The following TMC7 variants were observed in gnomAD, a reference collection of about 807,000 sequenced individuals.
TMC7 encodes transmembrane channel-like protein 7.
Under a neutral mutation model 82.9 loss-of-function variants are expected in TMC7, and 54 were observed. The ratio of observed to expected loss-of-function variants is 0.65; its 90% CI spans 0.52 to 0.82. The LOEUF (loss-of-function observed/expected upper bound fraction) is 0.82. Ranked by LOEUF, TMC7 falls within the 40% of genes least tolerant of loss-of-function variation. TMC7 has a pLI of 0.00. For synonymous variants in TMC7, 350 were observed against 337.9 expected (o/e 1.04, Z -0.39); for missense variants, 820 against 901.2 (o/e 0.91, Z 1.15).
chr16:19,047,503 TCTC>T (rs1464041752), intron 12 of TMC7, among the ~76,000 whole-genome samples: 1 of 145,180 alleles, frequency 6.9e-6, no homozygotes, highest in Non-Finnish European at 1.5e-5. Context: ...GTTCAAGTGA[TCTC>T]CTGCCCCAGC....
chr16:19,032,518 AAG>A (rs1326479720), intron 6 of TMC7, among the ~76,000 whole-genome samples: 1 of 150,876 alleles, frequency 6.6e-6, no homozygotes, highest in Non-Finnish European at 1.5e-5. Flanking sequence ...CTTTAAGACA[AAG>A]AGTATGAAAA....
chr16:19,002,519 G>A (rs949449866), intron 1 of TMC7, among the ~76,000 whole-genome samples: 4 of 151,940 alleles, frequency 2.6e-5, no homozygotes, highest in Non-Finnish European at 5.9e-5. Flanking sequence ...TTACAGGCGT[G>A]AGCCACAGTG....
intron 14 of TMC7, among the ~76,000 whole-genome samples, 166 bp from the exon 15 acceptor site, chr16:19,059,250 A>G (rs867701461): frequency 3.3e-5 from 5 of 152,104 alleles, no homozygotes; most frequent in Admixed American, 6.5e-5. Flanking sequence ...GCCTTAAGTG[A>G]TCCTTCTGCC....
chr16:19,019,615 G>A (rs1026938498), intron 3 of TMC7, among the ~76,000 whole-genome samples: 4 of 152,158 alleles, frequency 2.6e-5, no homozygotes, highest in African/African-American at 9.6e-5. Flanking sequence ...ACTCAGACAG[G>A]GTGAGGCAGA....
At chr16:19,034,353 C>T (rs1323229832) in intron 6 of TMC7, among the ~76,000 whole-genome samples, 1 of 152,040 alleles carries the variant, frequency 6.6e-6, no homozygotes, top group Middle Eastern at 3.2e-3. Context: ...AATCCCAGCG[C>T]TTTGAGAGGC....
At chr16:18,989,243 T>C (rs1297922331) in intron 1 of TMC7, among the ~76,000 whole-genome samples, 1 of 152,074 alleles carries the variant, frequency 6.6e-6, no homozygotes, top group African/African-American at 2.4e-5. Context: ...GGGAGGCAGG[T>C]CTGGACAGAG....
intron 15 of TMC7, among the ~76,000 whole-genome samples, chr16:19,060,762 TG>T (rs1266489310): frequency 6.6e-6 from 1 of 150,434 alleles, no homozygotes; most frequent in Admixed American, 6.7e-5. Context: ...GGGAAGCTGC[TG>T]AAGGGTTTGT....
At chr16:19,051,113 A>C (rs1961517263) in intron 12 of TMC7, among the ~76,000 whole-genome samples, 1 of 152,036 alleles carries the variant, frequency 6.6e-6, no homozygotes, top group South Asian at 2.1e-4. Context: ...CAATGACTGT[A>C]GCGTTAAACA....
chr16:19,006,096 C>T (rs560668122), intron 1 of TMC7, among the ~76,000 whole-genome samples: 149 of 152,312 alleles, frequency 9.8e-4, no homozygotes, highest in African/African-American at 3.5e-3. Context: ...CTGTGTGTGC[C>T]GAGCACTGCC....
intron 12 of TMC7, 52 bp downstream of exon 12, chr16:19,047,301 C>G: frequency 1.9e-6 from 3 of 1,545,484 alleles, no homozygotes. Flanking sequence ...TTTCGACCTT[C>G]CAGGGCACCA....
In TMC7 at chr16:19,019,527, G is replaced by A. The variant is rs1596750583; in HGVS notation, c.461-2102G>A. On this transcript the variant is annotated intron_variant, in intron 3 of 15. Transcript: ENST00000304381. Reference sequence around the variant, plus strand: ...GTTAAGCACTTCACTCATTACCTCAGTTAATCTTCAAAGGAAACTTTCATT... The same window carrying A: ...GTTAAGCACTTCACTCATTACCTCAATTAATCTTCAAAGGAAACTTTCATT... Among the ~76,000 whole-genome samples, 4 of 152,248 alleles carry A rather than the reference G, an allele frequency of 2.6e-5. 1 individual carries two copies. In the South Asian group the frequency reaches 8.3e-4, roughly 32 times the overall value.
chr16:18,990,162 G>A (rs1403888940), intron 1 of TMC7, among the ~76,000 whole-genome samples: 2 of 152,106 alleles, frequency 1.3e-5, no homozygotes, highest in African/African-American at 2.4e-5. Context: ...CCTTCTTAAG[G>A]GTGGGGGAGA....
chr16:19,040,428 T>G lies in TMC7; in HGVS notation c.1319T>G (p.Ile440Ser). ...RYEDYSPGFE[I>S]RLTILRCVFM... is the part of the protein sequence containing the mutation. Reference sequence around the variant, plus strand: ...GAGGATTATTCTCCAGGCTTTGAGATCCGTCTGACAATCCTTAGGTAATGC... The same window carrying G: ...GAGGATTATTCTCCAGGCTTTGAGAGCCGTCTGACAATCCTTAGGTAATGC... The change falls in exon 9 of 16, where the codon ATC (isoleucine) becomes AGC (serine). Residue 440 changes from isoleucine to serine, a missense_variant. Ile to Ser is a moderately radical substitution (Grantham distance 142). Transcript: ENST00000304381. The G allele has an allele frequency of 6.2e-7, 1 of 1,612,294 alleles. No homozygotes were observed. Among genetic ancestry groups the G allele is most frequent in the Non-Finnish European group, 8.5e-7 (1 of 1,179,932 alleles).
chr16:19,009,034 A>G, intron 1 of TMC7, 138 bp from the exon 2 acceptor site: 1 of 996,642 alleles, frequency 1.0e-6, no homozygotes, highest in Non-Finnish European at 1.5e-6. Context: ...GGTAAATAAA[A>G]TAAGATCAAA....
intron 1 of TMC7, among the ~76,000 whole-genome samples, chr16:18,993,423 T>C (rs2038985142): frequency 6.6e-6 from 1 of 152,224 alleles, no homozygotes; most frequent in Admixed American, 6.5e-5. Context: ...GGAGATATTT[T>C]CCTTGATCCA....
At chr16:19,000,763 A>G (rs2039127980) in intron 1 of TMC7, among the ~76,000 whole-genome samples, 1 of 152,134 alleles carries the variant, frequency 6.6e-6, no homozygotes, top group Non-Finnish European at 1.5e-5. Context: ...TCACCCCTGT[A>G]ATTTCAATAC....
chr16:18,984,284 A>C, intron 1 of TMC7, 154 bp downstream of exon 1: 1 of 1,336,762 alleles, frequency 7.5e-7, no homozygotes, highest in Non-Finnish European at 9.5e-7. Flanking sequence ...TGGGAAGGAG[A>C]TCTTCCTTAT....
intron 9 of TMC7, among the ~76,000 whole-genome samples, chr16:19,043,286 G>A (rs761044534): frequency 2.6e-5 from 4 of 152,028 alleles, no homozygotes; most frequent in Non-Finnish European, 5.9e-5. Context: ...CCGCGACCCT[G>A]ATACAGAAAA....
chr16:19,020,929 G>A (rs980458926), intron 3 of TMC7, among the ~76,000 whole-genome samples: 3 of 151,780 alleles, frequency 2.0e-5, no homozygotes, highest in Admixed American at 6.6e-5. Flanking sequence ...AGAATCATAT[G>A]CAATAATTAT....
Sources: gnomAD v4.1 joint callset for allele counts (sites outside exome capture counted in the v4.1 genomes callset) on GRCh38, gnomAD v4.1.1 for gene constraint, MANE v1.5 for transcripts, NCBI Gene and HGNC (gene_info 2026-07-23, HGNC 2026-07-21) for gene names.